NEGR1: variants seen among roughly 807,000 people sequenced by gnomAD.
NEGR1 encodes IgLON family member 4.
NEGR1 carries 10 observed loss-of-function variants against 40.9 expected under a neutral mutation model. The ratio of observed to expected loss-of-function variants is 0.24; its 90% CI spans 0.15 to 0.42. The LOEUF is 0.42. Ranked by LOEUF, NEGR1 falls within the 10% of genes least tolerant of loss-of-function variation. NEGR1 has a pLI of 1.00. For synonymous variants in NEGR1, 185 were observed against 166.8 expected, an observed-to-expected ratio of 1.11 and a Z score of -0.84; for missense variants, 352 against 438.9, an observed-to-expected ratio of 0.80 and a Z score of 1.77.
chr1:71,912,751 G>C (rs1363262117), intron 2 of NEGR1, among the ~76,000 whole-genome samples: 1 of 152,078 alleles, frequency 6.6e-6, no homozygotes, highest in Non-Finnish European at 1.5e-5. Flanking sequence ...AAATATATTT[G>C]TTAATAAATG....
At chr1:71,910,674 A>T (rs1661400192) in intron 2 of NEGR1, among the ~76,000 whole-genome samples, 1 of 151,772 alleles carries the variant, frequency 6.6e-6, no homozygotes, top group Admixed American at 6.6e-5. Flanking sequence ...CATGTATGAG[A>T]CTCTTCTAGA....
At chr1:71,597,472 C>CTCTCTGTG (rs756076229) in intron 5 of NEGR1, among the ~76,000 whole-genome samples, 5 of 31,332 alleles carry the variant, frequency 1.6e-4, no homozygotes, top group Admixed American at 5.7e-4. Context: ...CTCTCTCTCT[C>CTCTCTGTG]TGTGTGTGTG....
chr1:72,257,321 CAAAAAA>C (rs34220734), intron 1 of NEGR1, among the ~76,000 whole-genome samples: 1 of 57,134 alleles, frequency 1.8e-5, no homozygotes, highest in Non-Finnish European at 3.3e-5. Context: ...GACTCTGTCT[CAAAAAA>C]AAAAAAAAAA....
At chr1:71,778,436 C>T (rs1003724584) in intron 2 of NEGR1, among the ~76,000 whole-genome samples, 2 of 151,992 alleles carry the variant, frequency 1.3e-5, no homozygotes, top group Admixed American at 6.6e-5. Context: ...TGTCTGAGCA[C>T]GTTTAATGAA....
chr1:71,415,892 A>G (rs888367863), intron 6 of NEGR1, among the ~76,000 whole-genome samples: 1 of 152,046 alleles, frequency 6.6e-6, no homozygotes, highest in Non-Finnish European at 1.5e-5. Context: ...GCGTCTTGAC[A>G]TATTTTGGAG....
At position 71,552,524 on chromosome 1, in the gene NEGR1, T is replaced by C. The variant is rs1432791476; in HGVS notation, c.940+40293A>G. On this transcript the variant is annotated intron_variant, in intron 6 of 6. Coordinates refer to ENST00000357731, the MANE Select transcript of NEGR1 (RefSeq NM_173808.3). ...ATATTCTATATATATAGAGAATATATAGAATATATATAGGATATAGTCTAT... is the reference window on the plus strand; with the variant it reads ...ATATTCTATATATATAGAGAATATACAGAATATATATAGGATATAGTCTAT... Among the ~76,000 whole-genome samples, 3 of 147,894 alleles carry C rather than the reference T, an allele frequency of 2.0e-5. No homozygotes were observed. The Admixed American group carries it at 2.0e-4, about 10-fold the overall frequency.
At chr1:71,730,034 G>A (rs1241704758) in intron 3 of NEGR1, among the ~76,000 whole-genome samples, 3 of 151,884 alleles carry the variant, frequency 2.0e-5, no homozygotes, top group African/African-American at 4.8e-5. Flanking sequence ...TGTTAAACCT[G>A]GTCATTGAAA....
intron 1 of NEGR1, among the ~76,000 whole-genome samples, chr1:72,243,677 T>C (rs1654818870): frequency 6.6e-6 from 1 of 151,786 alleles, no homozygotes; most frequent in Admixed American, 6.6e-5. Flanking sequence ...TGATTACAAT[T>C]ATAACAAATT....
chr1:71,738,466 T>G (rs1655108416), intron 3 of NEGR1: 1 of 156,090 alleles, frequency 6.4e-6, no homozygotes, highest in Non-Finnish European at 1.4e-5. Context: ...AGACAGGCTC[T>G]GGTAAATGTC....
chr1:72,095,267 G>A (rs1648654863), intron 1 of NEGR1, among the ~76,000 whole-genome samples: 1 of 152,000 alleles, frequency 6.6e-6, no homozygotes, highest in African/African-American at 2.4e-5. Context: ...ACTCAAACAT[G>A]AATATTACTT....
intron 4 of NEGR1, among the ~76,000 whole-genome samples, chr1:71,675,313 T>C (rs1466005348): frequency 1.3e-5 from 2 of 150,552 alleles, no homozygotes; most frequent in Non-Finnish European, 3.0e-5. Flanking sequence ...AGTCCTTGCA[T>C]AAAAACATCC....
intron 2 of NEGR1, among the ~76,000 whole-genome samples, chr1:71,917,032 A>T (rs1426313938): frequency 6.6e-6 from 1 of 152,166 alleles, no homozygotes; most frequent in Non-Finnish European, 1.5e-5. Context: ...CTGTGTGTGT[A>T]TATGCCCTCT....
chr1:71,460,964 C>G (rs147231740), intron 6 of NEGR1, among the ~76,000 whole-genome samples: 2,082 of 151,812 alleles, frequency 0.014, 42 homozygotes, highest in African/African-American at 0.048. Context: ...ACATCATTGC[C>G]AAATAATTTA....
intron 2 of NEGR1, among the ~76,000 whole-genome samples, chr1:71,900,836 T>C (rs1260753162): frequency 6.6e-6 from 1 of 152,140 alleles, no homozygotes; most frequent in African/African-American, 2.4e-5. Context: ...GAAAGATACA[T>C]TGAAGGGAAG....
chr1:71,833,670 C>G (rs1342491905), intron 2 of NEGR1, among the ~76,000 whole-genome samples: 19 of 152,066 alleles, frequency 1.2e-4, no homozygotes, highest in Admixed American at 1.2e-3. Flanking sequence ...ACTCGGGCTT[C>G]TGACTGCACT....
intron 4 of NEGR1, among the ~76,000 whole-genome samples, chr1:71,626,550 G>C (rs1650786948): frequency 6.6e-6 from 1 of 151,784 alleles, no homozygotes; most frequent in African/African-American, 2.4e-5. Flanking sequence ...CATTTTTATG[G>C]CTGCATAGTA....
At chr1:71,796,864 C>T (rs1657347687) in intron 2 of NEGR1, among the ~76,000 whole-genome samples, 1 of 152,002 alleles carries the variant, frequency 6.6e-6, no homozygotes. Context: ...AGGAAGTTGG[C>T]CTGGAGTGCT....
chr1:71,639,309 C>G (rs2101571863), intron 4 of NEGR1, among the ~76,000 whole-genome samples: 1 of 151,882 alleles, frequency 6.6e-6, no homozygotes, highest in East Asian at 1.9e-4. Context: ...TTTTCATCAA[C>G]TGAAAAACAG....
chr1:71,749,620 T>A (rs543938430), intron 3 of NEGR1, among the ~76,000 whole-genome samples: 65 of 152,248 alleles, frequency 4.3e-4, no homozygotes, highest in East Asian at 3.9e-4. Context: ...TTGGCCTGAC[T>A]CCCCATCTCG....
Sources: gnomAD v4.1 joint callset for allele counts (sites outside exome capture counted in the v4.1 genomes callset) on GRCh38, gnomAD v4.1.1 for gene constraint, MANE v1.5 for transcripts, NCBI Gene and HGNC (gene_info 2026-07-23, HGNC 2026-07-21) for gene names.